NREP: variants seen among roughly 807,000 people sequenced by gnomAD.
The protein encoded by NREP is neuronal regeneration-related protein.
In NREP, 5 loss-of-function variants were observed where a neutral mutation model predicts 8.6. That is an observed-to-expected ratio of 0.58 (90% CI 0.30 to 1.22). NREP has a LOEUF of 1.22. NREP is among the 50% of genes most tolerant of loss of function. NREP has a pLI of 0.07. For missense variants in NREP, 86 were observed against 82.5 expected, an observed-to-expected ratio of 1.04 and a Z score of -0.17; for synonymous variants, 27 against 28.0, an observed-to-expected ratio of 0.96 and a Z score of 0.11.
At chr5:111,875,564 CCT>C (rs1753884910) in intron 2 of NREP, among the ~76,000 whole-genome samples, 1 of 152,118 alleles carries the variant, frequency 6.6e-6, no homozygotes, top group Non-Finnish European at 1.5e-5. Context: ...AAGTTTACTC[CCT>C]GTCTATGTAT....
chr5:111,763,243 C>T (rs1318584328), intron 2 of NREP, among the ~76,000 whole-genome samples: 2 of 152,176 alleles, frequency 1.3e-5, no homozygotes, highest in Non-Finnish European at 2.9e-5. Flanking sequence ...ATCAGGAACT[C>T]AGCCATTGAC....
chr5:111,821,818 T>A (rs1406674462), intron 2 of NREP, among the ~76,000 whole-genome samples: 1 of 152,136 alleles, frequency 6.6e-6, no homozygotes, highest in Admixed American at 6.6e-5. Context: ...ACTTTTTGCT[T>A]GACTGTGGCT....
At chr5:111,906,221 T>C (rs985962863) in intron 2 of NREP, among the ~76,000 whole-genome samples, 12 of 152,132 alleles carry the variant, frequency 7.9e-5, no homozygotes, top group African/African-American at 2.7e-4. Flanking sequence ...AGTTTTTTAA[T>C]TGGTATCTCT....
chr5:111,879,192 C>T (rs1320428056), intron 2 of NREP, among the ~76,000 whole-genome samples: 2 of 152,188 alleles, frequency 1.3e-5, no homozygotes, highest in Non-Finnish European at 2.9e-5. Flanking sequence ...CCCCTTTTGC[C>T]TACTGCCGTG....
intron 2 of NREP, among the ~76,000 whole-genome samples, chr5:111,868,694 C>G (rs1274251051): frequency 1.3e-5 from 2 of 152,180 alleles, no homozygotes; most frequent in African/African-American, 4.8e-5. Context: ...AGCTGCCTGA[C>G]CCCTGATGGA....
At chr5:111,829,742 C>G (rs1036492533) in intron 2 of NREP, among the ~76,000 whole-genome samples, 3 of 152,190 alleles carry the variant, frequency 2.0e-5, no homozygotes, top group African/African-American at 7.2e-5. Context: ...CCCACTCACC[C>G]TGCTATTTTT....
intron 2 of NREP, among the ~76,000 whole-genome samples, chr5:111,922,993 A>G (rs1755288484): frequency 6.6e-6 from 1 of 152,160 alleles, no homozygotes; most frequent in African/African-American, 2.4e-5. Context: ...GTCCTTTACA[A>G]TGCATTACTG....
At chr5:111,777,010 G>A (rs373610793) in intron 2 of NREP, among the ~76,000 whole-genome samples, 3 of 98,602 alleles carry the variant, frequency 3.0e-5, no homozygotes, top group Non-Finnish European at 6.4e-5. Flanking sequence ...GAGGAGGAAG[G>A]AGGTGGAGGA....
chr5:111,976,519 G>T (rs1323317757), intron 1 of NREP, among the ~76,000 whole-genome samples: 1 of 152,172 alleles, frequency 6.6e-6, no homozygotes, highest in African/African-American at 2.4e-5. Context: ...AAGACAATAA[G>T]CAAATATTGA....
chr5:111,920,961 G>C (rs1225427537), intron 2 of NREP, among the ~76,000 whole-genome samples: 3 of 152,144 alleles, frequency 2.0e-5, no homozygotes, highest in African/African-American at 7.2e-5. Context: ...GCCCCTTTCT[G>C]TGTTAGATGT....
chr5:111,848,142 A>G (rs896988209), intron 2 of NREP, among the ~76,000 whole-genome samples: 20 of 152,328 alleles, frequency 1.3e-4, no homozygotes, highest in Admixed American at 1.2e-3. Context: ...TTGGGTATCA[A>G]TTTGGTATTG....
intron 2 of NREP, among the ~76,000 whole-genome samples, chr5:111,867,389 G>A (rs1322930968): frequency 6.6e-6 from 1 of 152,058 alleles, no homozygotes; most frequent in Admixed American, 6.6e-5. Context: ...TGCATGCATG[G>A]GGAGGACGCA....
Position 111,830,363 on chromosome 5 carries a change from C to T in NREP, c.136-94856G>A, listed in dbSNP as rs145956886. Among the ~76,000 whole-genome samples, 1,420 of 152,262 alleles carry T rather than the reference C, an allele frequency of 9.3e-3. 17 individuals carry two copies. Among genetic ancestry groups the T allele is most frequent in the Non-Finnish European group, 9.5e-3 (648 of 67,994 alleles). On this transcript the variant is annotated intron_variant, in intron 2 of 3. Transcript: ENST00000395634. ...GATTTCTCAGAAACAAACAAATAAA[C>T]AAAAGGTGCCACTGGAAGAGTCAAT...
chr5:111,929,493 A>G (rs892173166), intron 2 of NREP, among the ~76,000 whole-genome samples: 3 of 152,214 alleles, frequency 2.0e-5, no homozygotes, highest in Non-Finnish European at 4.4e-5. Flanking sequence ...TTTCTGTACC[A>G]CATGTTCTAA....
chr5:111,814,963 G>GA (rs60414933), intron 2 of NREP, among the ~76,000 whole-genome samples: 11,716 of 135,702 alleles, frequency 0.086, 1,050 homozygotes, highest in African/African-American at 0.23. Context: ...TTACCAAGAG[G>GA]AAAAAAAAAA....
intron 2 of NREP, among the ~76,000 whole-genome samples, chr5:111,919,219 G>C (rs1047360966): frequency 6.6e-6 from 1 of 152,154 alleles, no homozygotes; most frequent in Admixed American, 6.5e-5. Context: ...TAGCAAGTCA[G>C]GAAACAACAG....
At chr5:111,826,457 A>G (rs1490597824) in intron 2 of NREP, among the ~76,000 whole-genome samples, 1 of 152,222 alleles carries the variant, frequency 6.6e-6, no homozygotes. Flanking sequence ...AACACTGACC[A>G]TGAAGGTCTG....
At chr5:111,882,300 A>G (rs2069299208) in intron 2 of NREP, among the ~76,000 whole-genome samples, 1 of 152,188 alleles carries the variant, frequency 6.6e-6, no homozygotes, top group African/African-American at 2.4e-5. Flanking sequence ...AAAAGAAATG[A>G]ACAAAGCCTC....
At chr5:111,918,048 T>C (rs1755114973) in intron 2 of NREP, among the ~76,000 whole-genome samples, 2 of 152,154 alleles carry the variant, frequency 1.3e-5, no homozygotes, top group Admixed American at 1.3e-4. Flanking sequence ...ATCACAGGCA[T>C]TCCTAGACAC....
Sources: gnomAD v4.1 joint callset for allele counts (sites outside exome capture counted in the v4.1 genomes callset) on GRCh38, gnomAD v4.1.1 for gene constraint, MANE v1.5 for transcripts, NCBI Gene and HGNC (gene_info 2026-07-23, HGNC 2026-07-21) for gene names.